The following KDM4B variants were observed in gnomAD, a reference collection of about 807,000 sequenced individuals.
KDM4B encodes lysine-specific demethylase 4B.
In KDM4B, 32 loss-of-function variants were observed where a neutral mutation model predicts 125.2. That is an observed-to-expected ratio of 0.26 (90% CI 0.19 to 0.34). The LOEUF (loss-of-function observed/expected upper bound fraction) is 0.34, where lower values mean the gene tolerates loss of function less well. Among genes scored for constraint, KDM4B ranks in the 10% least tolerant of loss-of-function variants. The pLI is 1.00. For missense variants in KDM4B, 1,190 were observed against 1,577.7 expected (o/e 0.75, Z 4.16); for synonymous variants, 721 against 677.9 (o/e 1.06, Z -0.99).
At position 5,137,309 on chromosome 19, in the gene KDM4B, T is replaced by C. The variant is rs925311992; in HGVS notation, c.2356T>C (p.Ser786Pro). 1 of 1,579,668 alleles carries C rather than the reference T, an allele frequency of 6.3e-7. No homozygotes were observed. The highest frequency in any genetic ancestry group is 1.8e-5 in the Admixed American group (1 of 54,728). The change falls in exon 16 of 23, where the codon TCC becomes CCC. Residue 786 changes from serine to proline, a missense_variant. Physicochemically the swap from Ser to Pro is moderately conservative, Grantham distance 74. Coordinates refer to ENST00000159111, the MANE Select transcript of KDM4B (RefSeq NM_015015.3). ...PELVNEGWTC[S>P]RCAAHAWTAE... is the part of the protein sequence containing the mutation. ...GCTGGTCAATGAAGGCTGGACGTGT[T>C]CCCGGTGCGCGGCCCACGCCTGGAC... is the stretch of plus-strand genomic sequence containing the variant.
intron 1 of KDM4B, among the ~76,000 whole-genome samples, chr19:5,009,976 C>G (rs2035678672): frequency 6.6e-6 from 1 of 152,202 alleles, no homozygotes; most frequent in South Asian, 2.1e-4. Flanking sequence ...AGGTGCTCTG[C>G]CTGCCTTGGC....
At chr19:5,093,442 A>AGGGAGCCCT (rs2038752620) in intron 9 of KDM4B, among the ~76,000 whole-genome samples, 1 of 152,282 alleles carries the variant, frequency 6.6e-6, no homozygotes, top group African/African-American at 2.4e-5. Context: ...GCCGAAGCCC[A>AGGGAGCCCT]GGGAGCCCTG....
chr19:4,977,856 C>G (rs977149219), intron 1 of KDM4B, among the ~76,000 whole-genome samples: 56 of 152,290 alleles, frequency 3.7e-4, no homozygotes, highest in African/African-American at 1.3e-3. Flanking sequence ...GCTCGGTGCC[C>G]TGAGTGAGGG....
At chr19:5,105,246 C>T (rs1044066600) in intron 9 of KDM4B, among the ~76,000 whole-genome samples, 6 of 152,232 alleles carry the variant, frequency 3.9e-5, no homozygotes, top group African/African-American at 7.2e-5. Flanking sequence ...GCCCGGAAGC[C>T]GGTAGTGGGG....
chr19:4,999,321 G>A (rs983533392), intron 1 of KDM4B, among the ~76,000 whole-genome samples: 12 of 152,132 alleles, frequency 7.9e-5, no homozygotes, highest in Admixed American at 4.6e-4. Flanking sequence ...GGTCGAGCTG[G>A]CTCCTGGGCC....
Position 5,131,925 on chromosome 19 carries a change from G to T in KDM4B, c.1824G>T (p.Lys608Asn). 1 of 1,612,764 alleles carries T rather than the reference G, an allele frequency of 6.2e-7. No homozygotes were observed. The highest frequency in any genetic ancestry group is 8.5e-7 in the Non-Finnish European group (1 of 1,179,890). Reference protein sequence around the residue: ...STFSKLKMEIKKSRRHPLGRP... With the variant: ...STFSKLKMEINKSRRHPLGRP... ...TTTCCAAATTGAAGATGGAGATCAA[G>T]AAGAGCCGGCGCCATCCCCTGGGCC... The change falls in exon 13 of 23, where the codon AAG becomes AAT. Residue 608 changes from lysine (K) to asparagine (N), a missense_variant. Physicochemically the swap from Lys to Asn is moderately conservative, Grantham distance 94 (BLOSUM62 0). Coordinates refer to ENST00000159111, the MANE Select transcript of KDM4B (RefSeq NM_015015.3).
intron 11 of KDM4B, among the ~76,000 whole-genome samples, chr19:5,128,567 A>G (rs1019632452): frequency 1.3e-5 from 2 of 152,196 alleles, no homozygotes; most frequent in African/African-American, 4.8e-5. Context: ...TTTGTCCTCA[A>G]GTGCCTTTTA....
In KDM4B at chr19:5,105,024, G is replaced by A. The variant is rs1165233325; in HGVS notation, c.919-5598G>A. 3.3e-5 allele frequency among the ~76,000 whole-genome samples: 5 copies of A among 152,196 alleles called. No individual in the cohort carries two copies. In the South Asian group the frequency reaches 8.3e-4, roughly 25 times the overall value. On this transcript the variant is annotated intron_variant, in intron 9 of 22. Transcript: ENST00000159111. The stretch of plus-strand genomic sequence containing the variant: ...GGGAGAGTCGCACCCCCTGGGCTCC[G>A]TCCGGGCAGCAGGATCCAGGTCCCC...
In KDM4B at chr19:5,101,844, C is replaced by T. The variant is rs369541502; in HGVS notation, c.919-8778C>T. Among the ~76,000 whole-genome samples, 28 of 152,302 alleles carry T rather than the reference C, an allele frequency of 1.8e-4. No homozygotes were observed. The South Asian group carries it at 3.5e-3, about 19-fold the overall frequency. ...TTTGGGTCTCTCCCCTTGGGCCAGC[C>T]GGATTGCACAGGGAGTAGCCCTCCA... On this transcript the variant is annotated intron_variant, in intron 9 of 22. Coordinates refer to ENST00000159111, the MANE Select transcript of KDM4B (RefSeq NM_015015.3).
intron 2 of KDM4B, among the ~76,000 whole-genome samples, chr19:5,021,072 G>A (rs771528380): frequency 4.6e-5 from 7 of 152,014 alleles, no homozygotes; most frequent in Non-Finnish European, 8.8e-5. Flanking sequence ...CTTGAACCTG[G>A]GGGCAGAGGT....
Position 5,069,738 on chromosome 19 carries a change from C to T in KDM4B, c.627-1272C>T, listed in dbSNP as rs529671857. On this transcript the variant is annotated intron_variant, in intron 6 of 22. Coordinates refer to ENST00000159111, the MANE Select transcript of KDM4B (RefSeq NM_015015.3). ...AAATGATTCTTTTGCGTCAGCCTCC[C>T]GAGTAGCTGGGATTACAGCCTCCTG... Among the ~76,000 whole-genome samples the T allele has an allele frequency of 5.4e-4, 82 of 151,982 alleles. 1 individual carries two copies. The highest frequency in any genetic ancestry group is 1.7e-3 in the African/African-American group (69 of 41,450).
At chr19:5,106,136 C>T (rs981346916) in intron 9 of KDM4B, among the ~76,000 whole-genome samples, 7 of 152,334 alleles carry the variant, frequency 4.6e-5, no homozygotes, top group East Asian at 3.9e-4. Flanking sequence ...ATCCTGAGGA[C>T]GTTTCTGTCA....
At chr19:5,124,573 C>T (rs1298252162) in intron 11 of KDM4B, among the ~76,000 whole-genome samples, 1 of 152,178 alleles carries the variant, frequency 6.6e-6, no homozygotes, top group Non-Finnish European at 1.5e-5. Context: ...ACCCAACTGG[C>T]TAGCAAAGGA....
chr19:5,045,219 G>A (rs771688856), intron 5 of KDM4B, among the ~76,000 whole-genome samples: 3 of 152,164 alleles, frequency 2.0e-5, no homozygotes, highest in South Asian at 4.1e-4. Flanking sequence ...TGGAGTTGTC[G>A]GTGTTGTGCA....
intron 8 of KDM4B, among the ~76,000 whole-genome samples, chr19:5,080,133 A>G (rs2038243819): frequency 6.6e-6 from 1 of 152,228 alleles, no homozygotes; most frequent in African/African-American, 2.4e-5. Flanking sequence ...ATATAACTTA[A>G]TGCACACTGA....
chr19:5,067,897 T>C (rs889376270), intron 6 of KDM4B, among the ~76,000 whole-genome samples: 3 of 152,104 alleles, frequency 2.0e-5, no homozygotes, highest in Non-Finnish European at 4.4e-5. Context: ...CTGATTGATT[T>C]TGGCCGTGAA....
intron 6 of KDM4B, among the ~76,000 whole-genome samples, chr19:5,053,043 C>T (rs188734487): frequency 5.3e-5 from 8 of 152,340 alleles, no homozygotes; most frequent in Non-Finnish European, 1.0e-4. Flanking sequence ...ATTGGTGTCC[C>T]GACAGGGGTG....
intron 1 of KDM4B, among the ~76,000 whole-genome samples, chr19:4,999,868 T>TCCAC (rs1429456117): frequency 6.7e-5 from 7 of 104,542 alleles, no homozygotes; most frequent in African/African-American, 2.6e-4. Flanking sequence ...CATCCATCCA[T>TCCAC]CCACCCACGC....
At chr19:5,095,858 G>A (rs764587956) in intron 9 of KDM4B, among the ~76,000 whole-genome samples, 2 of 152,226 alleles carry the variant, frequency 1.3e-5, no homozygotes, top group South Asian at 2.1e-4. Context: ...CGAGCATGTC[G>A]TTTGTGTGTG....
Sources: allele counts gnomAD v4.1 joint callset (sites outside exome capture counted in the v4.1 genomes callset), GRCh38; gene constraint gnomAD v4.1.1; transcripts MANE v1.5; gene names NCBI Gene and HGNC (gene_info 2026-07-23, HGNC 2026-07-21).